GALNT13: variants seen among roughly 807,000 people sequenced by gnomAD.
GALNT13 encodes the protein UDP-GalNAc:polypeptide N-acetylgalactosaminyltransferase 13.
GALNT13 carries 28 observed loss-of-function variants against 64.2 expected under a neutral mutation model. That is an observed-to-expected ratio of 0.44 (90% confidence interval 0.32 to 0.60). The LOEUF (loss-of-function observed/expected upper bound fraction) is 0.60. GALNT13 is among the 20% of genes least tolerant of loss of function. GALNT13 has a pLI of 0.05. For missense variants in GALNT13, 577 were observed against 669.8 expected (o/e 0.86, Z 1.53); for synonymous variants, 214 against 224.6 (o/e 0.95, Z 0.42).
the GALNT13 span, among the ~76,000 whole-genome samples, chr2:153,843,707 G>T: frequency 6.6e-6 from 1 of 152,190 alleles, no homozygotes; most frequent in Non-Finnish European, 1.5e-5. Flanking sequence ...AAAATCAGGT[G>T]CAAGATATGT....
intron 2 of GALNT13, among the ~76,000 whole-genome samples, chr2:153,930,543 A>G (rs1194262608): frequency 6.6e-6 from 1 of 152,182 alleles, no homozygotes; most frequent in African/African-American, 2.4e-5. Flanking sequence ...GCCTATGACT[A>G]GCCAGTTATC....
the GALNT13 span, among the ~76,000 whole-genome samples, chr2:153,305,775 A>G: frequency 3.3e-5 from 5 of 152,116 alleles, no homozygotes; most frequent in African/African-American, 1.2e-4. Flanking sequence ...CCCCTTAGAG[A>G]GTTCATTACT....
At chr2:153,479,480 AGG>A in the GALNT13 span, among the ~76,000 whole-genome samples, 1 of 152,146 alleles carries the variant, frequency 6.6e-6, no homozygotes, top group Non-Finnish European at 1.5e-5. Flanking sequence ...CCAAGGAAAG[AGG>A]GTTAGAGGAA....
chr2:153,985,733 A>G (rs1360057473), intron 3 of GALNT13, among the ~76,000 whole-genome samples: 7 of 151,992 alleles, frequency 4.6e-5, no homozygotes. Context: ...CCACTGCTTG[A>G]CATCACATGA....
At chr2:153,118,289 C>G in the GALNT13 span, among the ~76,000 whole-genome samples, 1 of 152,192 alleles carries the variant, frequency 6.6e-6, no homozygotes, top group African/African-American at 2.4e-5. Flanking sequence ...CCCTTAATTT[C>G]TTGCAATGCA....
chr2:153,910,834 A>G (rs1348702634), intron 2 of GALNT13, among the ~76,000 whole-genome samples: 3 of 152,044 alleles, frequency 2.0e-5, no homozygotes, highest in Non-Finnish European at 2.9e-5. Context: ...TGATTGTTTT[A>G]TGTCCTATTG....
rs1696107147 is a variant in GALNT13, at chr2:154,347,051, A to G, written c.1156+45462A>G. On this transcript the variant is annotated intron_variant, in intron 9 of 12. Transcript: ENST00000392825. ...AGTTAAAAATATTACCTCATGCAGAAAATTGGAAAGTTAGGGAAAATACAA... is the reference window on the plus strand; with the variant it reads ...AGTTAAAAATATTACCTCATGCAGAGAATTGGAAAGTTAGGGAAAATACAA... Among the ~76,000 whole-genome samples, 3 of 152,140 alleles carry G rather than the reference A, an allele frequency of 2.0e-5. No homozygotes were observed. The South Asian group carries it at 6.2e-4, about 31-fold the overall frequency.
intron 9 of GALNT13, among the ~76,000 whole-genome samples, chr2:154,390,151 A>G (rs1160110326): frequency 6.6e-6 from 1 of 152,210 alleles, no homozygotes; most frequent in Non-Finnish European, 1.5e-5. Flanking sequence ...TCTAATATCT[A>G]TTTAAAATTT....
At chr2:153,525,009 A>G in the GALNT13 span, among the ~76,000 whole-genome samples, 1 of 152,306 alleles carries the variant, frequency 6.6e-6, no homozygotes, top group Middle Eastern at 3.4e-3. Flanking sequence ...TCTTGATAGA[A>G]GAGGGAAGAG....
chr2:153,556,258 A>T, the GALNT13 span, among the ~76,000 whole-genome samples: 1 of 152,204 alleles, frequency 6.6e-6, no homozygotes, highest in Non-Finnish European at 1.5e-5. Flanking sequence ...TTTAAAAGAA[A>T]AAAAATGCCA....
intron 9 of GALNT13, among the ~76,000 whole-genome samples, chr2:154,395,332 A>G (rs1388456382): frequency 6.6e-6 from 1 of 152,172 alleles, no homozygotes; most frequent in Non-Finnish European, 1.5e-5. Context: ...AATATCAAAT[A>G]TTCTATTATG....
intron 9 of GALNT13, among the ~76,000 whole-genome samples, chr2:154,353,558 G>T (rs1292205482): frequency 6.6e-6 from 1 of 152,006 alleles, no homozygotes; most frequent in Non-Finnish European, 1.5e-5. Context: ...GTATTCGTTG[G>T]TATCTCCCCA....
intron 4 of GALNT13, among the ~76,000 whole-genome samples, chr2:154,165,875 G>A (rs1684994070): frequency 1.3e-5 from 2 of 152,148 alleles, no homozygotes; most frequent in African/African-American, 4.8e-5. Context: ...AACTCCACAG[G>A]TGGAAAAGAT....
the GALNT13 span, among the ~76,000 whole-genome samples, chr2:153,457,209 C>A: frequency 6.6e-6 from 1 of 152,270 alleles, no homozygotes; most frequent in East Asian, 1.9e-4. Context: ...AATAAATAAG[C>A]AATTCACTTG....
the GALNT13 span, among the ~76,000 whole-genome samples, chr2:153,377,525 C>T: frequency 1.3e-5 from 2 of 152,034 alleles, no homozygotes; most frequent in Admixed American, 6.6e-5. Flanking sequence ...TCTGAACAAG[C>T]GAGTTGTTAA....
chr2:154,041,553 A>G (rs968797900), intron 3 of GALNT13, among the ~76,000 whole-genome samples: 1 of 140,712 alleles, frequency 7.1e-6, no homozygotes, highest in Admixed American at 7.1e-5. Flanking sequence ...TGTGTCATCA[A>G]TTAATTTACA....
chr2:153,466,193 A>G, the GALNT13 span, among the ~76,000 whole-genome samples: 2 of 152,004 alleles, frequency 1.3e-5, no homozygotes, highest in Admixed American at 1.3e-4. Context: ...TAAAGCTCCA[A>G]CCATTAGAAA....
the GALNT13 span, among the ~76,000 whole-genome samples, chr2:153,824,160 G>GTA: frequency 0.035 from 5,264 of 150,372 alleles, 113 homozygotes; most frequent in African/African-American, 0.05. Context: ...GCTATACACT[G>GTA]TATATATATA....
At chr2:154,005,679 A>C (rs1219212301) in intron 3 of GALNT13, among the ~76,000 whole-genome samples, 1 of 152,088 alleles carries the variant, frequency 6.6e-6, no homozygotes, top group African/African-American at 2.4e-5. Flanking sequence ...TACAAATATA[A>C]GTAAGGGGAA....
Sources: allele counts gnomAD v4.1 joint callset (sites outside exome capture counted in the v4.1 genomes callset), GRCh38; gene constraint gnomAD v4.1.1; transcripts MANE v1.5; gene names NCBI Gene and HGNC (gene_info 2026-07-23, HGNC 2026-07-21).